GLB1L3: variants seen among roughly 807,000 people sequenced by gnomAD.
GLB1L3 encodes galactosidase beta 1 like 3, also known as beta-galactosidase-1-like protein 3.
A neutral mutation model predicts 89.5 loss-of-function variants in GLB1L3; 89 were observed. That is an observed-to-expected ratio of 0.99 (90% CI 0.84 to 1.19). The LOEUF (loss-of-function observed/expected upper bound fraction) is 1.19, where lower values mean the gene tolerates loss of function less well. Ranked by LOEUF, GLB1L3 falls within the 50% of genes most tolerant of loss-of-function variation. The pLI, the probability that GLB1L3 is intolerant of heterozygous loss-of-function variation, is 0.00. For missense variants in GLB1L3, 812 were observed against 813.3 expected, an observed-to-expected ratio of 1.00 and a Z score of 0.02; for synonymous variants, 314 against 312.3, an observed-to-expected ratio of 1.01 and a Z score of -0.06.
At chr11:134,287,851 C>G (rs181457378) in intron 6 of GLB1L3, among the ~76,000 whole-genome samples, 110 of 152,342 alleles carry the variant, frequency 7.2e-4, no homozygotes, top group Non-Finnish European at 1.4e-3. Context: ...AAAGGAAAAG[C>G]TGACAGTCAT....
intron 15 of GLB1L3, among the ~76,000 whole-genome samples, chr11:134,313,111 A>G (rs945225449): frequency 1.1e-4 from 16 of 152,280 alleles, no homozygotes; most frequent in African/African-American, 3.8e-4. Context: ...TTTCCTCACC[A>G]AGTCCTGAGC....
At chr11:134,313,300 A>G in intron 15 of GLB1L3, 96 bp from the exon 16 acceptor site, 1 of 867,770 alleles carries the variant, frequency 1.2e-6, no homozygotes, top group African/African-American at 1.7e-5. Flanking sequence ...CTGTTCTCCC[A>G]TGTGTCTCTC....
chr11:134,284,310 T>C (rs1940863497), intron 6 of GLB1L3, among the ~76,000 whole-genome samples: 1 of 151,828 alleles, frequency 6.6e-6, no homozygotes, highest in Non-Finnish European at 1.5e-5. Context: ...AAGCAAATTA[T>C]ACACACGTGT....
chr11:134,288,757 A>G (rs759023699), intron 6 of GLB1L3, 41 bp from the exon 7 acceptor site: 16 of 1,487,460 alleles, frequency 1.1e-5, no homozygotes, highest in Middle Eastern at 1.8e-4. Flanking sequence ...CTTTTGCCCC[A>G]AATAGCCTCA....
chr11:134,290,554 C>CA (rs1246880862), intron 7 of GLB1L3, among the ~76,000 whole-genome samples: 5 of 132,700 alleles, frequency 3.8e-5, no homozygotes, highest in African/African-American at 1.4e-4. Context: ...GCCTGGGTGA[C>CA]AGAGTGAGAC....
At position 134,310,567 on chromosome 11, in the gene GLB1L3, G is replaced by T. The variant is rs1440714646; in HGVS notation, c.1100-4G>T. ...GGCTGGTGACTGGCCCTGGTGTCTTGCAGACTATGATGCAGTGCTCACGGA... is the reference window on the plus strand; with the variant it reads ...GGCTGGTGACTGGCCCTGGTGTCTTTCAGACTATGATGCAGTGCTCACGGA... On this transcript the variant is annotated splice_polypyrimidine_tract_variant and splice_region_variant and intron_variant, in intron 11 of 19. Transcript: ENST00000431683. The T allele has an allele frequency of 6.2e-7, 1 of 1,610,746 alleles. No homozygotes were observed. The highest frequency in any genetic ancestry group is 8.5e-7 in the Non-Finnish European group (1 of 1,177,850).
downstream of GLB1L3, among the ~76,000 whole-genome samples, chr11:134,320,364 G>A (rs949419628): frequency 1.3e-5 from 2 of 152,124 alleles, no homozygotes; most frequent in African/African-American, 4.8e-5. Context: ...TTTATTCTCT[G>A]GGGATCTAGC....
At chr11:134,300,371 C>G (rs1005885082) in intron 9 of GLB1L3, among the ~76,000 whole-genome samples, 10 of 149,808 alleles carry the variant, frequency 6.7e-5, no homozygotes, top group Non-Finnish European at 7.4e-5. Context: ...CTTGCTCTGT[C>G]GCCCAGGCTA....
At chr11:134,307,335 C>A (rs2136195096) in intron 10 of GLB1L3, 127 bp downstream of exon 10, 2 of 688,470 alleles carry the variant, frequency 2.9e-6, no homozygotes, top group East Asian at 2.8e-5. Context: ...TTTTCACATA[C>A]AAGCACTCAG....
chr11:134,298,684 C>T (rs1436969040), intron 9 of GLB1L3, among the ~76,000 whole-genome samples: 3 of 152,166 alleles, frequency 2.0e-5, no homozygotes, highest in African/African-American at 7.2e-5. Context: ...TTGCTGCTGG[C>T]ATGTGATAAG....
chr11:134,284,378 C>T (rs1360169309), intron 6 of GLB1L3, among the ~76,000 whole-genome samples: 1 of 151,750 alleles, frequency 6.6e-6, no homozygotes, highest in Non-Finnish European at 1.5e-5. Flanking sequence ...TGAAACCAGC[C>T]ACTCTTTTTA....
chr11:134,285,417 AGAG>A (rs1308365100), intron 6 of GLB1L3, among the ~76,000 whole-genome samples: 2 of 152,166 alleles, frequency 1.3e-5, no homozygotes, highest in African/African-American at 4.8e-5. Context: ...CTCTTCCAAA[AGAG>A]AAGATGCACT....
intron 5 of GLB1L3, among the ~76,000 whole-genome samples, chr11:134,282,813 T>C (rs1360231943): frequency 6.6e-6 from 1 of 152,152 alleles, no homozygotes; most frequent in Non-Finnish European, 1.5e-5. Flanking sequence ...GATGAGGCCT[T>C]TGCTTTTCTC....
chr11:134,293,447 G>A (rs1941469955), intron 9 of GLB1L3, among the ~76,000 whole-genome samples: 1 of 152,066 alleles, frequency 6.6e-6, no homozygotes, highest in Non-Finnish European at 1.5e-5. Flanking sequence ...AAGGGCGAGG[G>A]GTGGTGGGAA....
chr11:134,282,662 C>T (rs970721669), intron 5 of GLB1L3, among the ~76,000 whole-genome samples: 1 of 152,180 alleles, frequency 6.6e-6, no homozygotes, highest in Non-Finnish European at 1.5e-5. Context: ...GTTCTCTCCT[C>T]TGTGATTCTG....
intron 6 of GLB1L3, 43 bp from the exon 7 acceptor site, chr11:134,288,755 C>A: frequency 6.8e-7 from 1 of 1,466,052 alleles, no homozygotes; most frequent in South Asian, 1.2e-5. Flanking sequence ...GGCTTTTGCC[C>A]CAAATAGCCT....
rs1943084447 is a variant in GLB1L3, at chr11:134,318,699, G to GA, written c.1852dup (p.Thr618AsnfsTer15). 1 of 1,613,138 alleles carries GA rather than the reference G, an allele frequency of 6.2e-7. No homozygotes were observed. The highest frequency in any genetic ancestry group is 1.3e-5 in the African/African-American group (1 of 75,040). On this transcript the variant is annotated frameshift_variant, in exon 19 of 20. Transcript: ENST00000431683. LOFTEE classifies it low-confidence loss of function (END_TRUNC). ...GGCGATATTGGAATATTGGGCCTCA[G>GA]AAAACACTGTACCTTCCTGGAGTTT...
intron 9 of GLB1L3, among the ~76,000 whole-genome samples, chr11:134,305,536 C>T (rs1258502771): frequency 6.6e-6 from 1 of 152,062 alleles, no homozygotes; most frequent in African/African-American, 2.4e-5. Flanking sequence ...TGGAAGATTT[C>T]CAGGAGGAGA....
chr11:134,309,939 C>T, intron 11 of GLB1L3, 176 bp downstream of exon 11: 1 of 690,672 alleles, frequency 1.4e-6, no homozygotes, highest in East Asian at 2.8e-5. Context: ...CCCCAACAGG[C>T]TGTCATTGCA....
Sources: gnomAD v4.1 joint callset for allele counts (sites outside exome capture counted in the v4.1 genomes callset) on GRCh38, gnomAD v4.1.1 for gene constraint, MANE v1.5 for transcripts, NCBI Gene and HGNC (gene_info 2026-07-23, HGNC 2026-07-21) for gene names.